Variants in ACTN2 observed in about 807,000 individuals in gnomAD.
The protein encoded by ACTN2 is actinin alpha 2, also known as alpha-actinin-2.
A neutral mutation model predicts 113.8 loss-of-function variants in ACTN2; 39 were observed. The observed-to-expected ratio is 0.34, with a 90% confidence interval of 0.27 to 0.45. The LOEUF is 0.45. ACTN2 is among the 20% of genes least tolerant of loss of function. The pLI is 1.00. For missense variants in ACTN2, 992 were observed against 1,177.9 expected (o/e 0.84, Z 2.31); for synonymous variants, 429 against 444.1 (o/e 0.97, Z 0.43).
intron 15 of ACTN2, among the ~76,000 whole-genome samples, chr1:236,753,509 A>C (rs1462615611): frequency 6.6e-6 from 1 of 152,198 alleles, no homozygotes; most frequent in Non-Finnish European, 1.5e-5. Context: ...CACGTCATTC[A>C]TAAACAAAGG....
intron 1 of ACTN2, among the ~76,000 whole-genome samples, chr1:236,700,493 G>A (rs996819463): frequency 4.6e-5 from 7 of 152,164 alleles, no homozygotes; most frequent in African/African-American, 1.7e-4. Context: ...GTCAGTACTG[G>A]TAGTACATTT....
intron 1 of ACTN2, among the ~76,000 whole-genome samples, chr1:236,713,090 C>T (rs762860111): frequency 6.6e-6 from 1 of 151,820 alleles, no homozygotes; most frequent in African/African-American, 2.4e-5. Flanking sequence ...CCGGAAACAA[C>T]CCAAATATTC....
intron 10 of ACTN2, among the ~76,000 whole-genome samples, chr1:236,742,184 CT>C (rs960486546): frequency 6.6e-6 from 1 of 151,632 alleles, no homozygotes; most frequent in South Asian, 2.1e-4. Flanking sequence ...CTTGACCCTG[CT>C]TTTTTTTTCC....
rs1297673693 is a variant in ACTN2, at chr1:236,686,805, C to T, written c.126+6C>T. ...GGGAGAAGCAGCAGAGGAAGGTCAGCAGGGGCCCGCGGGCCGCCCGCGCGT... is the reference window on the plus strand; with the variant it reads ...GGGAGAAGCAGCAGAGGAAGGTCAGTAGGGGCCCGCGGGCCGCCCGCGCGT... On this transcript the variant is annotated splice_donor_region_variant and intron_variant, in intron 1 of 20. Coordinates refer to ENST00000366578, the MANE Select transcript of ACTN2 (RefSeq NM_001103.4). 6.7e-7 allele frequency: 1 copy of T among 1,495,358 alleles called. No individual in the cohort carries two copies. 92.6% of individuals were successfully genotyped at this position (1,495,358 alleles called of 1,614,324 possible).
At position 236,744,763 on chromosome 1, in the gene ACTN2, G is replaced by A. The variant is rs371434667; in HGVS notation, c.1393G>A (p.Ala465Thr). ...CCGCGTGGAGCAGATCGCAGCCATCGCGCAGGAGCTCAAGTATGTGCAGAT... is the reference window on the plus strand; with the variant it reads ...CCGCGTGGAGCAGATCGCAGCCATCACGCAGGAGCTCAAGTATGTGCAGAT... ...QDRVEQIAAI[A>T]QELNELDYHD... The change falls in exon 12 of 21, where the codon GCG becomes ACG. Residue 465 changes from alanine to threonine, a missense_variant. Physicochemically the swap from Ala to Thr is moderately conservative, Grantham distance 58 (BLOSUM62 0). This residue lies in a region of ACTN2 where 736 missense variants were observed against 815.4 expected (regional missense o/e 0.90). Transcript: ENST00000366578. 5.6e-6 allele frequency: 9 copies of A among 1,614,118 alleles called. No homozygotes were observed. Among genetic ancestry groups the A allele is most frequent in the Middle Eastern group, 1.6e-4 (1 of 6,062 alleles).
chr1:236,711,166 G>T (rs529894875), intron 1 of ACTN2, among the ~76,000 whole-genome samples: 1 of 152,310 alleles, frequency 6.6e-6, no homozygotes, highest in Admixed American at 6.5e-5. Flanking sequence ...CCTGGCCAGG[G>T]ACTCACTGGT....
At chr1:236,715,704 C>T (rs2102889820) in intron 1 of ACTN2, among the ~76,000 whole-genome samples, 1 of 152,178 alleles carries the variant, frequency 6.6e-6, no homozygotes, top group East Asian at 1.9e-4. Flanking sequence ...GCCTGTAATC[C>T]CAGCACTTTG....
intron 1 of ACTN2, among the ~76,000 whole-genome samples, chr1:236,701,043 G>T (rs1572098049): frequency 6.6e-6 from 1 of 152,294 alleles, no homozygotes; most frequent in South Asian, 2.1e-4. Flanking sequence ...AAGGTGGCTG[G>T]AGTAATTTCA....
rs1659784122 is a variant in ACTN2, at chr1:236,764,173, T to G, written c.*1554T>G. On this transcript the variant is annotated 3_prime_UTR_variant, in exon 21 of 21. Coordinates refer to ENST00000366578, the MANE Select transcript of ACTN2 (RefSeq NM_001103.4). ...CTGGGCCATTTAGAACCTTCAACCTTTATGAATTTCACTTAATTTGCTTCA... is the reference window on the plus strand; with the variant it reads ...CTGGGCCATTTAGAACCTTCAACCTGTATGAATTTCACTTAATTTGCTTCA... 1 of 152,196 alleles carries G rather than the reference T, an allele frequency of 6.6e-6. No homozygotes were observed. Among genetic ancestry groups the G allele is most frequent in the Admixed American group, 6.5e-5 (1 of 15,282 alleles). 9.4% of individuals were successfully genotyped at this position (152,196 alleles called of 1,614,324 possible).
At chr1:236,736,244 T>A (rs551980113) in intron 8 of ACTN2, among the ~76,000 whole-genome samples, 2 of 152,372 alleles carry the variant, frequency 1.3e-5, no homozygotes, top group African/African-American at 4.8e-5. Context: ...TGAGGAAGAA[T>A]GGCCCTCAGC....
chr1:236,715,313 C>A (rs1387244444), intron 1 of ACTN2, among the ~76,000 whole-genome samples: 6 of 109,060 alleles, frequency 5.5e-5, no homozygotes, highest in Admixed American at 2.5e-4. Flanking sequence ...CCCCCTCCCC[C>A]CACCCTGTTA....
At chr1:236,698,702 C>G (rs1487882117) in intron 1 of ACTN2, among the ~76,000 whole-genome samples, 1 of 152,056 alleles carries the variant, frequency 6.6e-6, no homozygotes, top group Non-Finnish European at 1.5e-5. Flanking sequence ...TCCGATCAGA[C>G]AGTAAAAGTG....
In ACTN2 at chr1:236,743,043, G is replaced by A. The variant is rs1164161500; in HGVS notation, c.1255G>A (p.Gly419Ser). ...CTCAACGCACGAGACTTGGGCTTAT[G>A]GTAAGTAGACAGGAGTCAGATTGGA... ...KASTHETWAYGKEQILLQKDY... is the reference protein window; with the variant it reads ...KASTHETWAYSKEQILLQKDY... Residue 419 changes from glycine to serine, a missense_variant and splice_region_variant, in exon 11 of 21, where the codon GGC becomes AGC. Gly to Ser is a moderately conservative substitution (Grantham distance 56). Around this residue, in one of 3 missense-constraint regions of ACTN2, gnomAD observed 736 missense variants for 815.4 expected, o/e 0.90. Transcript: ENST00000366578. The A allele has an allele frequency of 7.4e-6, 12 of 1,614,092 alleles. No individual in the cohort carries two copies. In the East Asian group the frequency reaches 2.5e-4, roughly 33 times the overall value.
intron 1 of ACTN2, among the ~76,000 whole-genome samples, chr1:236,693,933 C>T (rs572995085): frequency 1.3e-5 from 2 of 152,288 alleles, no homozygotes; most frequent in Admixed American, 1.3e-4. Context: ...TCTGTTCATT[C>T]ACCACCCCAG....
At chr1:236,690,386 T>C (rs983407381) in intron 1 of ACTN2, among the ~76,000 whole-genome samples, 3 of 152,220 alleles carry the variant, frequency 2.0e-5, no homozygotes, top group Non-Finnish European at 4.4e-5. Flanking sequence ...GCACTAATTG[T>C]TTGTTCCAAT....
chr1:236,733,884 C>G (rs1459106583), intron 7 of ACTN2, among the ~76,000 whole-genome samples: 1 of 152,220 alleles, frequency 6.6e-6, no homozygotes, highest in Non-Finnish European at 1.5e-5. Flanking sequence ...CCCACTCACC[C>G]ATGAACTGTT....
chr1:236,759,096 A>C (rs928730829), intron 18 of ACTN2, among the ~76,000 whole-genome samples: 5 of 152,342 alleles, frequency 3.3e-5, no homozygotes, highest in African/African-American at 1.2e-4. Flanking sequence ...AGAGCTAGGC[A>C]TAAGTAAAAA....
At chr1:236,695,564 C>CCCCG (rs1657468899) in intron 1 of ACTN2, among the ~76,000 whole-genome samples, 1 of 8,322 alleles carries the variant, frequency 1.2e-4, no homozygotes, top group Non-Finnish European at 3.0e-4. Flanking sequence ...GAAATGAGTT[C>CCCCG]CCCCCCCCTG....
intron 3 of ACTN2, among the ~76,000 whole-genome samples, chr1:236,719,340 C>T (rs1658314804): frequency 6.6e-6 from 1 of 152,230 alleles, no homozygotes; most frequent in Non-Finnish European, 1.5e-5. Flanking sequence ...TCTTTGTTCT[C>T]TATGGGAGAC....
Sources: allele counts gnomAD v4.1 joint callset (sites outside exome capture counted in the v4.1 genomes callset), GRCh38; gene constraint gnomAD v4.1.1; regional missense constraint gnomAD v4.1.1; transcripts MANE v1.5; gene names NCBI Gene and HGNC (gene_info 2026-07-23, HGNC 2026-07-21).